FHIT: variants seen among roughly 807,000 people sequenced by gnomAD.
The protein encoded by FHIT is fragile histidine triad diadenosine triphosphatase, also known as bis(5'-adenosyl)-triphosphatase.
In FHIT, 19 loss-of-function variants were observed where a neutral mutation model predicts 17.9. The observed-to-expected ratio is 1.06, with a 90% CI of 0.74 to 1.56. The LOEUF is 1.56. Among genes scored for constraint, FHIT ranks in the 40% most tolerant of loss-of-function variants. The pLI is 0.00. For synonymous variants in FHIT, 81 were observed against 69.7 expected (o/e 1.16, Z -0.81); for missense variants, 248 against 189.2 (o/e 1.31, Z -1.82).
At chr3:61,224,867 CATATA>C (rs2039930215) in intron 1 of FHIT, among the ~76,000 whole-genome samples, 1 of 152,006 alleles carries the variant, frequency 6.6e-6, no homozygotes. Flanking sequence ...CACACACACA[CATATA>C]TATATACATA....
intron 8 of FHIT, among the ~76,000 whole-genome samples, chr3:59,895,291 T>C (rs970059054): frequency 6.6e-6 from 1 of 152,210 alleles, no homozygotes; most frequent in Non-Finnish European, 1.5e-5. Flanking sequence ...TCCAGGTAAG[T>C]AGGAATCATT....
At chr3:59,810,385 G>A (rs922095501) in intron 8 of FHIT, among the ~76,000 whole-genome samples, 3 of 152,202 alleles carry the variant, frequency 2.0e-5, no homozygotes, top group Non-Finnish European at 2.9e-5. Context: ...CTCATGAAAT[G>A]TCTGCAAGGG....
chr3:60,929,175 A>G (rs1266541632), intron 3 of FHIT, among the ~76,000 whole-genome samples: 3 of 152,248 alleles, frequency 2.0e-5, no homozygotes, highest in African/African-American at 7.2e-5. Context: ...TTCATGCTAA[A>G]AACTCTCAAT....
At chr3:60,723,480 A>G (rs1223026862) in intron 4 of FHIT, among the ~76,000 whole-genome samples, 2 of 152,180 alleles carry the variant, frequency 1.3e-5, no homozygotes, top group African/African-American at 4.8e-5. Context: ...GAATTTGGGT[A>G]TGTGCTAGGC....
intron 5 of FHIT, among the ~76,000 whole-genome samples, chr3:60,381,170 T>C (rs1412674499): frequency 6.6e-6 from 1 of 152,122 alleles, no homozygotes; most frequent in African/African-American, 2.4e-5. Flanking sequence ...AGTATATTGC[T>C]TAGGAGGGAA....
chr3:60,487,998 A>G (rs2033912288), intron 5 of FHIT, among the ~76,000 whole-genome samples: 1 of 152,196 alleles, frequency 6.6e-6, no homozygotes, highest in Admixed American at 6.5e-5. Flanking sequence ...GCTATTTACA[A>G]GACCATCTGT....
rs2106721408 is a variant in FHIT at position 60,812,311 on chromosome 3, C to G, written c.-18+9608G>C. On this transcript the variant is annotated intron_variant, in intron 4 of 9. Transcript: ENST00000492590. ...CCAAGCAGCTCAGATTCCCAAGCAG[C>G]ATCATGCCTGGCTAATTTTTGTATT... 2.0e-5 allele frequency among the ~76,000 whole-genome samples: 3 copies of G among 151,908 alleles called. No individual in the cohort carries two copies. In the Middle Eastern group the frequency reaches 0.01, roughly 520 times the overall value.
At chr3:59,940,564 C>T (rs576908479) in intron 7 of FHIT, among the ~76,000 whole-genome samples, 1 of 152,266 alleles carries the variant, frequency 6.6e-6, no homozygotes, top group Non-Finnish European at 1.5e-5. Context: ...ACGAGGGTTT[C>T]TCCCACTGGG....
At chr3:59,969,502 T>C (rs1708081392) in intron 7 of FHIT, among the ~76,000 whole-genome samples, 1 of 152,256 alleles carries the variant, frequency 6.6e-6, no homozygotes, top group East Asian at 1.9e-4. Flanking sequence ...TGTTCTGCTC[T>C]CTCTGAAGTG....
intron 5 of FHIT, among the ~76,000 whole-genome samples, chr3:60,399,808 T>A (rs1701590366): frequency 6.6e-6 from 1 of 152,182 alleles, no homozygotes; most frequent in African/African-American, 2.4e-5. Context: ...TGATACATAA[T>A]TTTTTAAAAA....
chr3:59,815,138 C>T (rs560781099), intron 8 of FHIT, among the ~76,000 whole-genome samples: 1 of 152,164 alleles, frequency 6.6e-6, no homozygotes, highest in Non-Finnish European at 1.5e-5. Context: ...ACATCTGTTA[C>T]CTGCTTTGCT....
At chr3:61,164,425 C>A (rs1252713175) in intron 2 of FHIT, among the ~76,000 whole-genome samples, 1 of 152,188 alleles carries the variant, frequency 6.6e-6, no homozygotes, top group Non-Finnish European at 1.5e-5. Context: ...TAGGTATCAA[C>A]AATCGCTTCA....
chr3:60,820,098 A>G (rs183152211), intron 4 of FHIT, among the ~76,000 whole-genome samples: 2,496 of 152,234 alleles, frequency 0.016, 47 homozygotes, highest in Middle Eastern at 0.027. Context: ...ACTTGAGGTC[A>G]GGGGTTCAAG....
At chr3:60,062,649 G>T (rs1011681465) in intron 5 of FHIT, among the ~76,000 whole-genome samples, 1 of 152,248 alleles carries the variant, frequency 6.6e-6, no homozygotes, top group Non-Finnish European at 1.5e-5. Context: ...CCTTACACCA[G>T]AATGCCAGCT....
chr3:61,037,961 G>A (rs1017352857), intron 3 of FHIT, among the ~76,000 whole-genome samples: 22 of 152,192 alleles, frequency 1.4e-4, no homozygotes, highest in Non-Finnish European at 1.9e-4. Context: ...AAAGAAGTGC[G>A]CTCCAAACAG....
intron 7 of FHIT, among the ~76,000 whole-genome samples, chr3:59,938,741 G>C (rs1706363798): frequency 6.6e-6 from 1 of 152,076 alleles, no homozygotes. Context: ...TCATAAATGA[G>C]ATTCTTTTCA....
Position 61,239,761 on chromosome 3 carries a change from CCATA to C in FHIT, c.-213+11536_-213+11539del, listed in dbSNP as rs769811437. Among the ~76,000 whole-genome samples, 327 of 63,166 alleles carry C rather than the reference CCATA, an allele frequency of 5.2e-3. 22 individuals carry two copies. The highest frequency in any genetic ancestry group is 0.016 in the African/African-American group (247 of 15,662). The allele number at this position is 63,166 out of a possible 152,430, so 41.4% of individuals were successfully genotyped here. A position where few individuals can be genotyped will look rare whatever the true frequency, so the allele number is the denominator to read the frequency against. On this transcript the variant is annotated intron_variant, in intron 1 of 9. Coordinates refer to ENST00000492590, the MANE Select transcript of FHIT (RefSeq NM_002012.4). ...TAAAACTGCAAAGAAAAACAACTGGCCATATATATATATATATATATATACACAA... is the reference window on the plus strand; with the variant it reads ...TAAAACTGCAAAGAAAAACAACTGGCTATATATATATATATATATACACAA...
intron 8 of FHIT, among the ~76,000 whole-genome samples, chr3:59,768,614 T>A (rs1701918807): frequency 6.7e-6 from 1 of 148,650 alleles, no homozygotes; most frequent in South Asian, 2.1e-4. Context: ...TTCTTTGACT[T>A]CCCAGACATC....
chr3:61,124,077 G>A (rs770653519), intron 2 of FHIT, among the ~76,000 whole-genome samples: 7 of 152,116 alleles, frequency 4.6e-5, no homozygotes, highest in Non-Finnish European at 8.8e-5. Flanking sequence ...TACCACTGAA[G>A]AGAAAGAATT....
Sources: allele counts gnomAD v4.1 joint callset (sites outside exome capture counted in the v4.1 genomes callset), GRCh38; gene constraint gnomAD v4.1.1; transcripts MANE v1.5; gene names NCBI Gene and HGNC (gene_info 2026-07-23, HGNC 2026-07-21).